The following CACNA2D1 variants were observed in gnomAD, a reference collection of about 807,000 sequenced individuals.
The protein encoded by CACNA2D1 is voltage-dependent calcium channel subunit alpha-2/delta-1.
In CACNA2D1, 53 loss-of-function variants were observed where a neutral mutation model predicts 171.5. That is an observed-to-expected ratio of 0.31 (90% CI 0.25 to 0.39). The LOEUF (loss-of-function observed/expected upper bound fraction) is 0.39, where lower values mean the gene tolerates loss of function less well. CACNA2D1 is among the 10% of genes least tolerant of loss of function. The pLI is 1.00. For missense variants in CACNA2D1, 903 were observed against 1,299.8 expected, an observed-to-expected ratio of 0.69 and a Z score of 4.69; for synonymous variants, 442 against 443.1, an observed-to-expected ratio of 1.00 and a Z score of 0.03.
chr7:82,281,287 A>G (rs1208256005), intron 3 of CACNA2D1, among the ~76,000 whole-genome samples: 1 of 152,172 alleles, frequency 6.6e-6, no homozygotes, highest in Non-Finnish European at 1.5e-5. Context: ...GTGTTAACCA[A>G]CGGAATCTTG....
chr7:82,015,954 A>G (rs1050903638), intron 12 of CACNA2D1, among the ~76,000 whole-genome samples: 34 of 152,214 alleles, frequency 2.2e-4, no homozygotes, highest in Non-Finnish European at 4.4e-4. Flanking sequence ...GGTTTGCCTT[A>G]GCTGGTTACG....
rs1218449046 is a variant in CACNA2D1 at position 81,959,810 on chromosome 7, G to T, written c.2986C>A (p.Leu996Ile). Residue 996 changes from leucine (L) to isoleucine (I), a missense_variant, in exon 37 of 39, where the codon CTT (leucine) becomes ATT (isoleucine). By Grantham distance (5) the Leu-to-Ile change is conservative (BLOSUM62 2). Around this residue, in one of 5 missense-constraint regions of CACNA2D1, gnomAD observed 623 missense variants for 925.5 expected, o/e 0.67. Coordinates refer to ENST00000356860, the MANE Select transcript of CACNA2D1 (RefSeq NM_000722.4). ...NCSRIFHGEKLMNTNLIFIMV... is the reference protein window; with the variant it reads ...NCSRIFHGEKIMNTNLIFIMV... ...ATGAATATTAAGTTGGTGTTCATAA[G>T]CTTTTCTCCATGAAAGATTCTGCAA... 3.1e-6 allele frequency: 5 copies of T among 1,612,212 alleles called. No individual in the cohort carries two copies. Among genetic ancestry groups the T allele is most frequent in the South Asian group, 1.1e-5 (1 of 91,020 alleles).
At chr7:82,065,552 G>A (rs962843085) in intron 8 of CACNA2D1, among the ~76,000 whole-genome samples, 2 of 152,182 alleles carry the variant, frequency 1.3e-5, no homozygotes, top group South Asian at 2.1e-4. Context: ...ATTAAACATG[G>A]TTGGTGTAGA....
chr7:82,222,668 TC>T (rs1409363384), intron 3 of CACNA2D1, among the ~76,000 whole-genome samples: 1 of 152,146 alleles, frequency 6.6e-6, no homozygotes, highest in East Asian at 1.9e-4. Flanking sequence ...CACTTTTTTT[TC>T]CTTTAACATG....
Position 82,291,661 on chromosome 7 carries a change from A to T in CACNA2D1, c.294+43474T>A, listed in dbSNP as rs570983244. Among the ~76,000 whole-genome samples, 172 of 135,744 alleles carry T rather than the reference A, an allele frequency of 1.3e-3. 1 individual carries two copies. The highest frequency in any genetic ancestry group is 7.2e-3 in the East Asian group (32 of 4,414). The allele number at this position is 135,744 out of a possible 152,430, so 89.1% of individuals were successfully genotyped here. On this transcript the variant is annotated intron_variant, in intron 3 of 38. Coordinates refer to ENST00000356860, the MANE Select transcript of CACNA2D1 (RefSeq NM_000722.4). Reference sequence around the variant, plus strand: ...TGTGTGTGTGTGTGCATATATATATATTTTTTTTTCTTTTTTTTCTTTTTG... The same window carrying T: ...TGTGTGTGTGTGTGCATATATATATTTTTTTTTTTCTTTTTTTTCTTTTTG...
At chr7:81,957,370 CATTAATATCGCAGATTTAGGAAT>C (rs1336583148) in intron 38 of CACNA2D1, among the ~76,000 whole-genome samples, 3 of 152,000 alleles carry the variant, frequency 2.0e-5, no homozygotes, top group Non-Finnish European at 4.4e-5. Flanking sequence ...GTTTCAGGAA[CATTAATATCGCAGATTTAGGAAT>C]ATGGGTGATT....
intron 3 of CACNA2D1, among the ~76,000 whole-genome samples, chr7:82,206,961 C>T (rs934996352): frequency 6.6e-6 from 1 of 152,082 alleles, no homozygotes; most frequent in Non-Finnish European, 1.5e-5. Context: ...ACAAGGAATA[C>T]ATTTATTGAA....
intron 36 of CACNA2D1, 60 bp from the exon 37 acceptor site, chr7:81,959,889 T>C: frequency 6.4e-7 from 1 of 1,563,222 alleles, no homozygotes; most frequent in East Asian, 2.3e-5. Context: ...AATGGAAATC[T>C]TTCAAAGATT....
intron 4 of CACNA2D1, among the ~76,000 whole-genome samples, chr7:82,163,184 T>C (rs1304362021): frequency 6.6e-6 from 1 of 152,114 alleles, no homozygotes; most frequent in African/African-American, 2.4e-5. Context: ...CTCCACATTT[T>C]CCAACTTCTT....
chr7:81,988,910 G>A (rs542911873), intron 21 of CACNA2D1, among the ~76,000 whole-genome samples: 4 of 152,232 alleles, frequency 2.6e-5, no homozygotes, highest in South Asian at 2.1e-4. Flanking sequence ...TATATGTTTC[G>A]TGTGTGTGCA....
chr7:82,376,086 A>T (rs1822986852), intron 1 of CACNA2D1, among the ~76,000 whole-genome samples: 1 of 152,206 alleles, frequency 6.6e-6, no homozygotes, highest in African/African-American at 2.4e-5. Flanking sequence ...ACACAAAAAA[A>T]AATCTGCCTG....
chr7:82,172,822 C>A (rs1292873481), intron 3 of CACNA2D1, among the ~76,000 whole-genome samples: 2 of 144,592 alleles, frequency 1.4e-5, no homozygotes, highest in East Asian at 2.0e-4. Context: ...AGTAACTAAA[C>A]TTTTACATGT....
intron 38 of CACNA2D1, among the ~76,000 whole-genome samples, chr7:81,958,662 A>G (rs1267928212): frequency 6.6e-6 from 1 of 151,800 alleles, no homozygotes; most frequent in Admixed American, 6.6e-5. Flanking sequence ...TAAGTGACAT[A>G]TATTAAATAT....
chr7:82,090,798 T>C (rs1395192105), intron 6 of CACNA2D1, among the ~76,000 whole-genome samples: 1 of 152,138 alleles, frequency 6.6e-6, no homozygotes, highest in Non-Finnish European at 1.5e-5. Context: ...AATCATAGAA[T>C]ATTAGAAACT....
At chr7:82,253,734 A>C (rs146426898) in intron 3 of CACNA2D1, among the ~76,000 whole-genome samples, 1 of 152,156 alleles carries the variant, frequency 6.6e-6, no homozygotes, top group Non-Finnish European at 1.5e-5. Context: ...ACTAGAAATA[A>C]TGTATATATG....
chr7:82,359,060 C>T (rs1360015552), intron 1 of CACNA2D1, among the ~76,000 whole-genome samples: 1 of 152,124 alleles, frequency 6.6e-6, no homozygotes, highest in Non-Finnish European at 1.5e-5. Flanking sequence ...TATCCTTCCA[C>T]ATCACAATTA....
chr7:82,358,752 T>C (rs1383107817), intron 1 of CACNA2D1, among the ~76,000 whole-genome samples: 2 of 152,080 alleles, frequency 1.3e-5, no homozygotes, highest in African/African-American at 4.8e-5. Flanking sequence ...TTCATATTCA[T>C]AGATCTCAAA....
At chr7:82,206,086 T>C (rs3801711) in intron 3 of CACNA2D1, among the ~76,000 whole-genome samples, 36,407 of 151,980 alleles carry the variant, frequency 0.24, 5,429 homozygotes, top group East Asian at 0.47. Context: ...GACTTTAAAA[T>C]ATGTACTTAA....
intron 3 of CACNA2D1, among the ~76,000 whole-genome samples, chr7:82,217,394 CAT>C (rs6150191): frequency 0.021 from 2,129 of 102,442 alleles, 82 homozygotes; most frequent in Non-Finnish European, 0.022. Flanking sequence ...CACACACATA[CAT>C]ATATATATAT....
Sources: gnomAD v4.1 joint callset for allele counts (sites outside exome capture counted in the v4.1 genomes callset) on GRCh38, gnomAD v4.1.1 for gene constraint, gnomAD v4.1.1 regional missense constraint, MANE v1.5 for transcripts, NCBI Gene and HGNC (gene_info 2026-07-23, HGNC 2026-07-21) for gene names.